Variants in LPP observed in about 807,000 individuals in gnomAD.
LPP encodes the protein lipoma-preferred partner.
Under a neutral mutation model 60.4 loss-of-function variants are expected in LPP, and 38 were observed. The ratio of observed to expected loss-of-function variants is 0.63; its 90% CI spans 0.49 to 0.83. The LOEUF is 0.83. LPP is among the 40% of genes least tolerant of loss of function. The pLI is 0.00. For missense variants in LPP, 902 were observed against 783.6 expected (o/e 1.15, Z -1.80); for synonymous variants, 328 against 290.8 (o/e 1.13, Z -1.30).
chr3:188,672,356 A>G (rs1251481702), intron 7 of LPP, among the ~76,000 whole-genome samples: 3 of 150,074 alleles, frequency 2.0e-5, no homozygotes, highest in African/African-American at 7.4e-5. Flanking sequence ...ACCCCCATTC[A>G]TTTTCCAGAG....
intron 8 of LPP, among the ~76,000 whole-genome samples, chr3:188,758,413 G>A (rs561426020): frequency 5.3e-5 from 8 of 151,964 alleles, no homozygotes; most frequent in Non-Finnish European, 1.2e-4. Context: ...CACCCACCTC[G>A]GCCTCCCAAA....
intron 2 of LPP, among the ~76,000 whole-genome samples, chr3:188,274,590 C>G (rs1408885835): frequency 6.6e-6 from 1 of 152,156 alleles, no homozygotes; most frequent in Non-Finnish European, 1.5e-5. Flanking sequence ...ATTGGTAGAT[C>G]ATGGAGTTTT....
At chr3:188,376,138 G>T (rs955747969) in intron 3 of LPP, among the ~76,000 whole-genome samples, 10 of 152,244 alleles carry the variant, frequency 6.6e-5, no homozygotes, top group African/African-American at 2.2e-4. Flanking sequence ...TGTGGTCAAT[G>T]TTGGAGTAGG....
chr3:188,788,702 C>T (rs1303283145), intron 9 of LPP, among the ~76,000 whole-genome samples: 1 of 152,144 alleles, frequency 6.6e-6, no homozygotes, highest in Admixed American at 6.5e-5. Flanking sequence ...CTACAGAACC[C>T]TTTGTATAAG....
chr3:188,638,240 A>G (rs1849262684), intron 7 of LPP, among the ~76,000 whole-genome samples: 1 of 145,756 alleles, frequency 6.9e-6, no homozygotes, highest in South Asian at 2.3e-4. Flanking sequence ...AATCCAGCAT[A>G]TAAACAGAGC....
intron 3 of LPP, among the ~76,000 whole-genome samples, chr3:188,346,096 C>G (rs1054350668): frequency 6.6e-6 from 1 of 152,032 alleles, no homozygotes; most frequent in Admixed American, 6.5e-5. Flanking sequence ...TTCAGAGCCC[C>G]TTTTTCTGGT....
At chr3:188,163,714 G>A (rs1264282629) in intron 1 of LPP, among the ~76,000 whole-genome samples, 1 of 151,778 alleles carries the variant, frequency 6.6e-6, no homozygotes, top group Non-Finnish European at 1.5e-5. Context: ...GACTGAGTTG[G>A]GTGGATCACG....
At chr3:188,343,648 T>C (rs1339081977) in intron 3 of LPP, among the ~76,000 whole-genome samples, 1 of 152,162 alleles carries the variant, frequency 6.6e-6, no homozygotes, top group Non-Finnish European at 1.5e-5. Context: ...AAGAGGAGTT[T>C]TAAGCAAGCC....
At chr3:188,583,612 G>A (rs1285482434) in intron 6 of LPP, among the ~76,000 whole-genome samples, 1 of 152,094 alleles carries the variant, frequency 6.6e-6, no homozygotes, top group Non-Finnish European at 1.5e-5. Context: ...CCCATTTTAA[G>A]TTCCATGAGG....
intron 1 of LPP, among the ~76,000 whole-genome samples, chr3:188,173,495 C>T (rs1722167016): frequency 6.8e-6 from 1 of 146,524 alleles, no homozygotes; most frequent in African/African-American, 2.5e-5. Context: ...CAGAGTGACT[C>T]CGTCTCAAAA....
intron 4 of LPP, among the ~76,000 whole-genome samples, chr3:188,444,481 G>T (rs983192394): frequency 6.6e-6 from 1 of 152,078 alleles, no homozygotes; most frequent in Non-Finnish European, 1.5e-5. Flanking sequence ...TTAGGATTTT[G>T]TGAAAGAAAA....
At chr3:188,732,965 G>A (rs1296649342) in intron 8 of LPP, among the ~76,000 whole-genome samples, 1 of 151,620 alleles carries the variant, frequency 6.6e-6, no homozygotes, top group Non-Finnish European at 1.5e-5. Context: ...CTTCTGCTTG[G>A]ACAATAGAGC....
chr3:188,720,263 C>T (rs939957451), intron 8 of LPP, among the ~76,000 whole-genome samples: 11 of 152,090 alleles, frequency 7.2e-5, no homozygotes, highest in African/African-American at 1.9e-4. Flanking sequence ...TTATTGAGTG[C>T]CTACTACTCA....
chr3:188,629,372 G>A (rs1002460634), intron 7 of LPP, among the ~76,000 whole-genome samples: 11 of 152,206 alleles, frequency 7.2e-5, no homozygotes, highest in Admixed American at 5.2e-4. Flanking sequence ...CTTCAGCAAA[G>A]TTCTAGACAG....
At position 188,609,942 on chromosome 3, in the gene LPP, C is replaced by G. The variant is rs980579966; in HGVS notation, c.1113+98C>G. ...GCCTAAGGCAAAAGTGTGTGTGTTA[C>G]TTTTATTTCACTGACAAATACAATC... is the stretch of plus-strand genomic sequence containing the variant. On this transcript the variant is annotated intron_variant, in intron 7 of 11. Coordinates refer to ENST00000617246, the MANE Select transcript of LPP (RefSeq NM_001375462.1). The surrounding 1 kb of genome is among the most constrained non-coding windows in gnomAD (Gnocchi z 6.9). 8.5e-7 allele frequency: 1 copy of G among 1,170,848 alleles called. No homozygotes were observed. The highest frequency in any genetic ancestry group is 1.2e-6 in the Non-Finnish European group (1 of 832,512). The allele number at this position is 1,170,848 out of a possible 1,614,324, so 72.5% of individuals were successfully genotyped here.
chr3:188,615,119 CATT>C (rs1844601366), intron 7 of LPP, among the ~76,000 whole-genome samples: 1 of 152,234 alleles, frequency 6.6e-6, no homozygotes. Flanking sequence ...GGTACCTTAT[CATT>C]AATTGCCTTT....
chr3:188,480,654 A>G (rs149020312), intron 4 of LPP, among the ~76,000 whole-genome samples: 1 of 152,254 alleles, frequency 6.6e-6, no homozygotes, highest in Non-Finnish European at 1.5e-5. Context: ...TGTTTTGTTT[A>G]AAAGCTTGCC....
intron 4 of LPP, among the ~76,000 whole-genome samples, chr3:188,427,644 C>G (rs1789758478): frequency 6.6e-6 from 1 of 152,192 alleles, no homozygotes; most frequent in Non-Finnish European, 1.5e-5. Context: ...AGTCTGTCTA[C>G]AGTGCCTTTG....
At chr3:188,737,161 A>T (rs114823675) in intron 8 of LPP, among the ~76,000 whole-genome samples, 1,697 of 152,284 alleles carry the variant, frequency 0.011, 37 homozygotes, top group African/African-American at 0.039. Context: ...TGTTATTTTC[A>T]TAAGTATAAA....
Sources: allele counts gnomAD v4.1 joint callset (sites outside exome capture counted in the v4.1 genomes callset), GRCh38; gene constraint gnomAD v4.1.1; non-coding constraint Gnocchi (gnomAD v3.1); transcripts MANE v1.5; gene names NCBI Gene and HGNC (gene_info 2026-07-23, HGNC 2026-07-21).